Variants in CCDC3 observed in about 807,000 individuals in gnomAD.
CCDC3 encodes coiled-coil domain containing 3.
CCDC3 carries 24 observed loss-of-function variants against 21.4 expected under a neutral mutation model. The ratio of observed to expected loss-of-function variants is 1.12; its 90% CI spans 0.81 to 1.58. CCDC3 has a LOEUF of 1.58. Ranked by LOEUF, CCDC3 falls within the 40% of genes most tolerant of loss-of-function variation. CCDC3 has a pLI of 0.00. For synonymous variants in CCDC3, 186 were observed against 166.0 expected, an observed-to-expected ratio of 1.12 and a Z score of -0.93; for missense variants, 425 against 360.9, an observed-to-expected ratio of 1.18 and a Z score of -1.44.
chr10:13,027,804 A>G (rs1180598331), intron 5 of CCDC3, among the ~76,000 whole-genome samples: 2 of 152,144 alleles, frequency 1.3e-5, no homozygotes, highest in Non-Finnish European at 2.9e-5. Context: ...GGTGACTACT[A>G]TTAGCACCAT....
At chr10:13,047,672 G>C (rs1836546337) in intron 5 of CCDC3, among the ~76,000 whole-genome samples, 1 of 152,134 alleles carries the variant, frequency 6.6e-6, no homozygotes, top group African/African-American at 2.4e-5. Flanking sequence ...CCTGGCAACT[G>C]CAAGCTGGAT....
chr10:12,915,949 G>C (rs1342627868), intron 2 of CCDC3, among the ~76,000 whole-genome samples: 2 of 152,114 alleles, frequency 1.3e-5, no homozygotes, highest in African/African-American at 2.4e-5. Context: ...GGCAGGTATG[G>C]AGCCTGGGTA....
chr10:13,014,034 C>G (rs1005195243), intron 5 of CCDC3, among the ~76,000 whole-genome samples: 8 of 151,970 alleles, frequency 5.3e-5, no homozygotes, highest in Non-Finnish European at 1.5e-5. Flanking sequence ...ACCTGTAATC[C>G]CAGCTGCTCA....
intron 2 of CCDC3, among the ~76,000 whole-genome samples, chr10:12,945,759 A>G (rs1007990785): frequency 1.3e-5 from 2 of 152,192 alleles, no homozygotes; most frequent in African/African-American, 2.4e-5. Context: ...CTCTTCGATT[A>G]AGAAAATGGA....
At chr10:12,975,228 A>T (rs1046338769) in intron 2 of CCDC3, among the ~76,000 whole-genome samples, 5 of 152,092 alleles carry the variant, frequency 3.3e-5, no homozygotes, top group Non-Finnish European at 7.4e-5. Context: ...TCTTCTGTGT[A>T]GGGTCTTTGA....
intron 2 of CCDC3, among the ~76,000 whole-genome samples, chr10:12,993,795 C>T (rs1034418787): frequency 2.0e-5 from 3 of 152,110 alleles, no homozygotes; most frequent in Admixed American, 6.5e-5. Context: ...AGAAAGATCC[C>T]GTTGCTATTT....
intron 2 of CCDC3, among the ~76,000 whole-genome samples, chr10:12,985,390 A>G (rs59410303): frequency 0.015 from 2,347 of 152,372 alleles, 65 homozygotes; most frequent in African/African-American, 0.053. Flanking sequence ...CACTAAAAAT[A>G]GACTTACCAT....
chr10:13,083,471 T>G (rs1264861468), intron 3 of CCDC3, among the ~76,000 whole-genome samples: 4 of 152,238 alleles, frequency 2.6e-5, no homozygotes, highest in Non-Finnish European at 5.9e-5. Flanking sequence ...TTTTAAAGAC[T>G]AACTTCCTTC....
intron 2 of CCDC3, among the ~76,000 whole-genome samples, chr10:12,945,608 T>C (rs1401437796): frequency 6.6e-6 from 1 of 152,218 alleles, no homozygotes; most frequent in Non-Finnish European, 1.5e-5. Context: ...TCCTCTGTGT[T>C]AAAACAGCAA....
chr10:12,973,553 C>T (rs1026417153), intron 2 of CCDC3, among the ~76,000 whole-genome samples: 1 of 152,194 alleles, frequency 6.6e-6, no homozygotes, highest in Non-Finnish European at 1.5e-5. Context: ...TGGAAGTCTC[C>T]CCTAAAAGGT....
At chr10:12,907,504 G>GT (rs1164316783) in intron 2 of CCDC3, among the ~76,000 whole-genome samples, 3 of 152,160 alleles carry the variant, frequency 2.0e-5, no homozygotes, top group Non-Finnish European at 2.9e-5. Context: ...AATTAGCCAG[G>GT]TGTGGTGGTG....
chr10:13,033,024 C>T (rs1229499545), intron 5 of CCDC3, among the ~76,000 whole-genome samples: 1 of 152,156 alleles, frequency 6.6e-6, no homozygotes, highest in African/African-American at 2.4e-5. Flanking sequence ...AAAAGAGCTG[C>T]ATTGCCAAGT....
chr10:12,990,981 T>G (rs903286928), intron 2 of CCDC3, among the ~76,000 whole-genome samples: 2 of 152,218 alleles, frequency 1.3e-5, no homozygotes, highest in African/African-American at 4.8e-5. Flanking sequence ...ACAGAGACAC[T>G]TAACAGGTGC....
At chr10:13,048,700 G>C (rs1252354937) in intron 5 of CCDC3, among the ~76,000 whole-genome samples, 1 of 152,122 alleles carries the variant, frequency 6.6e-6, no homozygotes, top group Non-Finnish European at 1.5e-5. Context: ...ACAAGCAGAT[G>C]AGTCAACTTG....
chr10:12,990,952 A>G (rs1302361957), intron 2 of CCDC3, among the ~76,000 whole-genome samples: 1 of 152,236 alleles, frequency 6.6e-6, no homozygotes, highest in Non-Finnish European at 1.5e-5. Context: ...TGGGTGCAGT[A>G]TCAAAGAAGA....
Position 13,001,666 on chromosome 10 carries a change from G to T in CCDC3, c.-96C>A, listed in dbSNP as rs1348717092. On this transcript the variant is annotated 5_prime_UTR_variant, in exon 1 of 3. Transcript: ENST00000378825. ...CCCTGGGCGCTCGGCTGCTCGGGCC[G>T]CTCCCGGGAGCTGAGCGCACCGCTG... 3.7e-6 allele frequency: 3 copies of T among 800,704 alleles called. No homozygotes were observed. The highest frequency in any genetic ancestry group is 4.6e-6 in the Non-Finnish European group (3 of 651,342). 49.6% of individuals were successfully genotyped at this position (800,704 alleles called of 1,614,324 possible). A position where few individuals can be genotyped will look rare whatever the true frequency, so the allele number is the denominator to read the frequency against.
At chr10:13,038,869 T>C (rs550351952) in intron 5 of CCDC3, among the ~76,000 whole-genome samples, 2 of 152,318 alleles carry the variant, frequency 1.3e-5, no homozygotes, top group African/African-American at 4.8e-5. Flanking sequence ...GCAGCACTTA[T>C]GTCTCCTTGT....
intron 2 of CCDC3, among the ~76,000 whole-genome samples, chr10:12,918,808 C>T (rs966239570): frequency 3.9e-5 from 6 of 152,248 alleles, no homozygotes; most frequent in African/African-American, 1.4e-4. Context: ...AATCCCAGAA[C>T]TTTGGGAGGC....
intron 2 of CCDC3, chr10:12,924,676 T>C (rs1335682498): frequency 6.6e-6 from 1 of 152,178 alleles, no homozygotes; most frequent in African/African-American, 2.4e-5. Context: ...AACTGGAGTA[T>C]CTGTGAGGCA....
Sources: allele counts gnomAD v4.1 joint callset (sites outside exome capture counted in the v4.1 genomes callset), GRCh38; gene constraint gnomAD v4.1.1; transcripts MANE v1.5; gene names NCBI Gene and HGNC (gene_info 2026-07-23, HGNC 2026-07-21).